PIGL: variants seen among roughly 807,000 people sequenced by gnomAD.
PIGL encodes the protein N-acetylglucosaminyl-phosphatidylinositol de-N-acetylase.
In PIGL, 22 loss-of-function variants were observed where a neutral mutation model predicts 31.1. The ratio of observed to expected loss-of-function variants is 0.71; its 90% CI spans 0.51 to 1.01. The LOEUF (loss-of-function observed/expected upper bound fraction) is 1.01, where lower values mean the gene tolerates loss of function less well. PIGL is among the 50% of genes least tolerant of loss of function. The probability of loss-of-function intolerance (pLI) is 0.00; values close to 1 mark genes in which losing one functional copy is unlikely to be tolerated. For synonymous variants in PIGL, 131 were observed against 117.4 expected (o/e 1.12, Z -0.75); for missense variants, 302 against 315.9 (o/e 0.96, Z 0.33).
intron 4 of PIGL, among the ~76,000 whole-genome samples, chr17:16,315,477 C>T (rs1485167672): frequency 6.6e-6 from 1 of 152,014 alleles, no homozygotes; most frequent in Non-Finnish European, 1.5e-5. Context: ...CACCAGTGGC[C>T]CCTTGGTCCC....
rs1175428619 is a variant in PIGL at position 16,296,114 on chromosome 17, T to A, written c.336-3774T>A. Among the ~76,000 whole-genome samples, 4 of 152,328 alleles carry A rather than the reference T, an allele frequency of 2.6e-5. No homozygotes were observed. In the East Asian group the frequency reaches 5.8e-4, roughly 22 times the overall value. ...TTATTTATTCAAACTGTGTACATGTTAAACCCTGTTGGTATATGATGCCTT... is the reference window on the plus strand; with the variant it reads ...TTATTTATTCAAACTGTGTACATGTAAAACCCTGTTGGTATATGATGCCTT... On this transcript the variant is annotated intron_variant, in intron 2 of 6. Transcript: ENST00000225609.
intron 2 of PIGL, among the ~76,000 whole-genome samples, chr17:16,240,373 G>A (rs750305820): frequency 1.4e-4 from 21 of 151,996 alleles, no homozygotes; most frequent in Admixed American, 3.3e-4. Flanking sequence ...ATGTGAGAAG[G>A]AACTAATGAA....
chr17:16,266,660 A>C (rs912315808), intron 2 of PIGL, among the ~76,000 whole-genome samples: 1 of 151,306 alleles, frequency 6.6e-6, no homozygotes, highest in African/African-American at 2.4e-5. Flanking sequence ...CAGTGGCGCT[A>C]TCTCGGCTCA....
chr17:16,233,948 C>A, intron 1 of PIGL, 23 bp from the exon 2 acceptor site: 1 of 1,344,356 alleles, frequency 7.4e-7, no homozygotes, highest in Non-Finnish European at 1.1e-6. Flanking sequence ...AAAAATCTAC[C>A]ACTGTATATT....
intron 2 of PIGL, among the ~76,000 whole-genome samples, chr17:16,295,811 C>T (rs1259060411): frequency 2.0e-5 from 3 of 152,058 alleles, no homozygotes; most frequent in Non-Finnish European, 4.4e-5. Flanking sequence ...CATGGTGGCA[C>T]ATGCCTGTAA....
At chr17:16,281,898 A>G in intron 2 of PIGL, 1 of 330,728 alleles carries the variant, frequency 3.0e-6, no homozygotes, top group Non-Finnish European at 6.8e-6. Flanking sequence ...GACATGAAGC[A>G]GGCAAGCCAA....
intron 2 of PIGL, among the ~76,000 whole-genome samples, chr17:16,265,929 G>A (rs2092840643): frequency 6.6e-6 from 1 of 151,984 alleles, no homozygotes; most frequent in African/African-American, 2.4e-5. Context: ...TCCCTGGGCA[G>A]CTTCTCCTCA....
chr17:16,249,040 A>G (rs926251175), intron 2 of PIGL, among the ~76,000 whole-genome samples: 32 of 152,176 alleles, frequency 2.1e-4, no homozygotes, highest in African/African-American at 7.5e-4. Context: ...AGGGCCCCAC[A>G]TTTATGGATT....
intron 2 of PIGL, among the ~76,000 whole-genome samples, chr17:16,250,937 T>G (rs1163611520): frequency 1.3e-5 from 2 of 152,226 alleles, no homozygotes; most frequent in Non-Finnish European, 2.9e-5. Flanking sequence ...TCTCATTTAA[T>G]TCTTAGACTA....
intron 1 of PIGL, among the ~76,000 whole-genome samples, chr17:16,230,863 A>T (rs773001848): frequency 1.2e-4 from 18 of 152,102 alleles, no homozygotes; most frequent in Non-Finnish European, 1.8e-4. Context: ...GTATAAAGGT[A>T]AAAATTTTAT....
chr17:16,324,415 G>GCTAATTGCAATCTCCT (rs542010632), intron 6 of PIGL: 15 of 151,324 alleles, frequency 9.9e-5, no homozygotes, highest in Middle Eastern at 3.4e-3. Context: ...TGCAATCTCC[G>GCTAATTGCAATCTCCT]CTAATTGCAA....
At chr17:16,315,193 T>G (rs1451484435) in intron 4 of PIGL, among the ~76,000 whole-genome samples, 1 of 152,118 alleles carries the variant, frequency 6.6e-6, no homozygotes, top group Non-Finnish European at 1.5e-5. Context: ...GAGGCTGGAG[T>G]GCCACAGGCT....
chr17:16,261,006 C>G (rs1008714027), intron 2 of PIGL, among the ~76,000 whole-genome samples: 1 of 151,804 alleles, frequency 6.6e-6, no homozygotes, highest in Admixed American at 6.6e-5. Context: ...GTAATCTCAG[C>G]TGCTCAGGAG....
At chr17:16,300,171 G>T in intron 3 of PIGL, 193 bp downstream of exon 3, 1 of 567,768 alleles carries the variant, frequency 1.8e-6, no homozygotes, top group East Asian at 2.9e-5. Flanking sequence ...ATATCTTTAC[G>T]ATCTTGTGTG....
chr17:16,267,008 G>A (rs982494161), intron 2 of PIGL, among the ~76,000 whole-genome samples: 3 of 151,006 alleles, frequency 2.0e-5, no homozygotes, highest in African/African-American at 7.3e-5. Flanking sequence ...ATTGTTTTTA[G>A]AACTACAGTT....
intron 1 of PIGL, among the ~76,000 whole-genome samples, chr17:16,218,677 C>CTTTTTT (rs34243048): frequency 3.9e-5 from 5 of 127,676 alleles, no homozygotes; most frequent in Non-Finnish European, 1.6e-5. Context: ...CCAACTTACT[C>CTTTTTT]TTTTTTTTTT....
intron 2 of PIGL, among the ~76,000 whole-genome samples, chr17:16,257,445 A>G (rs145444701): frequency 3.3e-5 from 5 of 151,954 alleles, no homozygotes; most frequent in African/African-American, 1.2e-4. Flanking sequence ...AAACAAAAAG[A>G]ACACTAGTTG....
intron 2 of PIGL, among the ~76,000 whole-genome samples, chr17:16,297,692 C>T (rs1353248949): frequency 6.6e-6 from 1 of 152,212 alleles, no homozygotes; most frequent in Non-Finnish European, 1.5e-5. Flanking sequence ...CCTGATCCCG[C>T]TTTATCCCTT....
At position 16,318,659 on chromosome 17, in the gene PIGL, G is replaced by A. The variant is rs191122273; in HGVS notation, c.660+751G>A. ...TATTTAAAACCAGCTTTGGCCAGGT[G>A]TGGTGGCTCATGCCTGTAATCATAG... On this transcript the variant is annotated intron_variant, in intron 6 of 6. Transcript: ENST00000225609. Among the ~76,000 whole-genome samples, 49 of 152,136 alleles carry A rather than the reference G, an allele frequency of 3.2e-4. No homozygotes were observed. In the East Asian group the frequency reaches 7.0e-3, roughly 22 times the overall value.
Sources: gnomAD v4.1 joint callset for allele counts (sites outside exome capture counted in the v4.1 genomes callset) on GRCh38, gnomAD v4.1.1 for gene constraint, MANE v1.5 for transcripts, NCBI Gene and HGNC (gene_info 2026-07-23, HGNC 2026-07-21) for gene names.